Variants in CFAP61 observed in about 807,000 individuals in gnomAD.
CFAP61 encodes cilia and flagella associated protein 61.
CFAP61 carries 107 observed loss-of-function variants against 135.6 expected under a neutral mutation model. The ratio of observed to expected loss-of-function variants is 0.79; its 90% CI spans 0.67 to 0.93. The LOEUF (loss-of-function observed/expected upper bound fraction) is 0.93, where lower values mean the gene tolerates loss of function less well. Ranked by LOEUF, CFAP61 falls within the 40% of genes least tolerant of loss-of-function variation. The pLI is 0.00. For missense variants in CFAP61, 1,507 were observed against 1,556.2 expected, an observed-to-expected ratio of 0.97 and a Z score of 0.53; for synonymous variants, 575 against 578.5, an observed-to-expected ratio of 0.99 and a Z score of 0.09.
At chr20:20,183,792 A>G (rs1390971555) in intron 13 of CFAP61, among the ~76,000 whole-genome samples, 1 of 152,206 alleles carries the variant, frequency 6.6e-6, no homozygotes, top group African/African-American at 2.4e-5. Flanking sequence ...GCACATCTCA[A>G]TTCTGAGTAC....
At position 20,195,152 on chromosome 20, in the gene CFAP61, G is replaced by T. The variant is rs148738303; in HGVS notation, c.1591-1418G>T. Among the ~76,000 whole-genome samples the T allele has an allele frequency of 6.6e-5, 10 of 152,260 alleles. No individual in the cohort carries two copies. In the Middle Eastern group the frequency reaches 0.01, roughly 156 times the overall value. Reference sequence around the variant, plus strand: ...TGCCCTAGGGTTCCGCCACTGGCCCGGTTACCCTGAGCTCTGTTTCCTCTG... The same window carrying T: ...TGCCCTAGGGTTCCGCCACTGGCCCTGTTACCCTGAGCTCTGTTTCCTCTG... On this transcript the variant is annotated intron_variant, in intron 15 of 26. Transcript: ENST00000245957.
intron 22 of CFAP61, among the ~76,000 whole-genome samples, chr20:20,283,059 A>G (rs564172248): frequency 1.3e-5 from 2 of 152,232 alleles, no homozygotes; most frequent in African/African-American, 4.8e-5. Context: ...TGTTAGTTCA[A>G]TATGGTTGAC....
intron 25 of CFAP61, among the ~76,000 whole-genome samples, chr20:20,304,299 TGTGTGAGAGA>T (rs923606959): frequency 2.0e-5 from 3 of 149,746 alleles, no homozygotes; most frequent in African/African-American, 7.5e-5. Context: ...TGTGTGTGTG[TGTGTGAGAGA>T]GAGAGAGAGA....
In CFAP61 at chr20:20,188,042, G is replaced by C. The variant is rs139564644; in HGVS notation, c.1498G>C (p.Ala500Pro). 6 of 1,614,146 alleles carry C rather than the reference G, an allele frequency of 3.7e-6. No individual in the cohort carries two copies. Among genetic ancestry groups the C allele is most frequent in the Non-Finnish European group, 5.1e-6 (6 of 1,180,020 alleles). Residue 500 changes from alanine (A) to proline (P), a missense_variant, in exon 14 of 27, where the codon GCT becomes CCT. Transcript: ENST00000245957. ...GGAGGACTTAGACCGTTACAACAAG[G>C]CTCGCAAAGACCCTGTAAGTACCTG... Reference protein sequence around the residue: ...ILEDLDRYNKARKDPDGTLLQ... With the variant: ...ILEDLDRYNKPRKDPDGTLLQ...
At chr20:20,094,367 G>A (rs1449168375) in intron 7 of CFAP61, 2 of 152,146 alleles carry the variant, frequency 1.3e-5, no homozygotes, top group African/African-American at 2.4e-5. Flanking sequence ...AGAAACTCCT[G>A]AGAAGTGAAA....
rs189952804 is a variant in CFAP61, at chr20:20,059,243, G to A, written c.143+2447G>A. Among the ~76,000 whole-genome samples, 71 of 133,868 alleles carry A rather than the reference G, an allele frequency of 5.3e-4. No individual in the cohort carries two copies. The East Asian group carries it at 0.014, about 26-fold the overall frequency. 87.8% of individuals were successfully genotyped at this position (133,868 alleles called of 152,430 possible). ...CTCGGGAGGCTGAGGCAGGAGAATC[G>A]CTTGAACCCAGGAGGCGGAGGTTGC... On this transcript the variant is annotated intron_variant, in intron 2 of 26. Transcript: ENST00000245957.
Position 20,288,662 on chromosome 20 carries a change from C to T in CFAP61, c.2850C>T (p.Leu950=), listed in dbSNP as rs1288766479. 4 of 1,614,110 alleles carry T rather than the reference C, an allele frequency of 2.5e-6. No individual in the cohort carries two copies. Among genetic ancestry groups the T allele is most frequent in the Non-Finnish European group, 3.4e-6 (4 of 1,179,962 alleles). Residue 950 remains leucine (L), a synonymous_variant, in exon 23 of 27, where the codon CTC becomes CTT. Coordinates refer to ENST00000245957, the MANE Select transcript of CFAP61 (RefSeq NM_015585.4). The part of the protein sequence containing the change: ...KNVDYETFKA[L]NDACLVYDSR... ...TGGATTATGAAACGTTTAAAGCCCTCAATGATGCATGTCTTGTGTATGACA... is the reference window on the plus strand; with the variant it reads ...TGGATTATGAAACGTTTAAAGCCCTTAATGATGCATGTCTTGTGTATGACA...
intron 18 of CFAP61, among the ~76,000 whole-genome samples, chr20:20,241,957 A>C (rs2050041241): frequency 6.6e-6 from 1 of 152,208 alleles, no homozygotes; most frequent in African/African-American, 2.4e-5. Context: ...AGATGTGCTC[A>C]GTTTTCTTCT....
intron 9 of CFAP61, among the ~76,000 whole-genome samples, chr20:20,149,726 C>T (rs981321546): frequency 1.3e-5 from 2 of 152,194 alleles, no homozygotes; most frequent in African/African-American, 4.8e-5. Context: ...GGGAAGCCAT[C>T]CCTGACTATA....
At chr20:20,119,756 C>T (rs1159366994) in intron 8 of CFAP61, among the ~76,000 whole-genome samples, 1 of 152,098 alleles carries the variant, frequency 6.6e-6, no homozygotes, top group Non-Finnish European at 1.5e-5. Flanking sequence ...TAAGCCAGTA[C>T]CCATGAGTTA....
At chr20:20,304,834 T>C (rs2056368134) in intron 25 of CFAP61, among the ~76,000 whole-genome samples, 1 of 152,078 alleles carries the variant, frequency 6.6e-6, no homozygotes, top group Admixed American at 6.5e-5. Flanking sequence ...CGAACACCCC[T>C]GTCCCGTGTC....
At chr20:20,310,795 C>T (rs994084037) in intron 25 of CFAP61, among the ~76,000 whole-genome samples, 2 of 152,184 alleles carry the variant, frequency 1.3e-5, no homozygotes, top group Admixed American at 1.3e-4. Flanking sequence ...CTGATTTCTG[C>T]CCCCTTCTGC....
chr20:20,320,469 A>T (rs867071699), intron 25 of CFAP61, among the ~76,000 whole-genome samples: 6 of 6,174 alleles, frequency 9.7e-4, no homozygotes, highest in African/African-American at 2.3e-3. Flanking sequence ...TGTAATATAT[A>T]ATATATGTAA....
chr20:20,085,656 C>T (rs957094438), intron 6 of CFAP61: 13 of 511,708 alleles, frequency 2.5e-5, no homozygotes, highest in Admixed American at 9.4e-5. Flanking sequence ...TTTCTGTGTC[C>T]ATCGTATATT....
intron 8 of CFAP61, among the ~76,000 whole-genome samples, chr20:20,134,079 G>A (rs2050742992): frequency 6.6e-6 from 1 of 152,142 alleles, no homozygotes; most frequent in African/African-American, 2.4e-5. Context: ...AGATAAACAT[G>A]CAAGACAAAC....
chr20:20,359,281 TG>T lies in CFAP61; in HGVS notation c.3514-926del, dbSNP rs552919244. ...TCTAAGGTTTTAAAATCCCACTTCT[TG>T]GGAATTATAAGCAAGAAAACTTTTC... On this transcript the variant is annotated intron_variant, in intron 26 of 26. Coordinates refer to ENST00000245957, the MANE Select transcript of CFAP61 (RefSeq NM_015585.4). This position sits in a 1 kb window ranked among gnomAD's most constrained non-coding sequence, Gnocchi z 4.0. Among the ~76,000 whole-genome samples, 6 of 152,196 alleles carry T rather than the reference TG, an allele frequency of 3.9e-5. No individual in the cohort carries two copies. The highest frequency in any genetic ancestry group is 7.4e-5 in the Non-Finnish European group (5 of 68,026).
At chr20:20,247,756 CCA>C (rs1381159057) in intron 19 of CFAP61, among the ~76,000 whole-genome samples, 2 of 152,162 alleles carry the variant, frequency 1.3e-5, no homozygotes, top group African/African-American at 4.8e-5. Context: ...CCCATTTGAG[CCA>C]CACCAGCCTC....
At chr20:20,345,504 A>G (rs1406444337) in intron 26 of CFAP61, among the ~76,000 whole-genome samples, 2 of 152,250 alleles carry the variant, frequency 1.3e-5, no homozygotes, top group Non-Finnish European at 2.9e-5. Context: ...CCCATTAACT[A>G]TCATATCCTA....
intron 21 of CFAP61, among the ~76,000 whole-genome samples, chr20:20,272,163 A>C (rs969969543): frequency 3.3e-5 from 5 of 152,212 alleles, no homozygotes; most frequent in Non-Finnish European, 5.9e-5. Flanking sequence ...GCTGTAGGCC[A>C]GTGTGGTGGC....
Sources: gnomAD v4.1 joint callset for allele counts (sites outside exome capture counted in the v4.1 genomes callset) on GRCh38, gnomAD v4.1.1 for gene constraint, Gnocchi (gnomAD v3.1) non-coding constraint, MANE v1.5 for transcripts, NCBI Gene and HGNC (gene_info 2026-07-23, HGNC 2026-07-21) for gene names.